Variants in PRKX observed in about 807,000 individuals in gnomAD.
PRKX encodes cAMP-dependent protein kinase catalytic subunit PRKX.
A neutral mutation model predicts 22.0 loss-of-function variants in PRKX; 12 were observed. The ratio of observed to expected loss-of-function variants is 0.54; its 90% confidence interval spans 0.35 to 0.88. The LOEUF (loss-of-function observed/expected upper bound fraction) is 0.88. PRKX is among the 40% of genes least tolerant of loss of function. The probability of loss-of-function intolerance (pLI) is 0.01; values close to 1 mark genes in which losing one functional copy is unlikely to be tolerated. For synonymous variants in PRKX, 134 were observed against 137.7 expected, an observed-to-expected ratio of 0.97 and a Z score of 0.19; for missense variants, 217 against 308.0, an observed-to-expected ratio of 0.70 and a Z score of 2.21.
intron 3 of PRKX, among the ~76,000 whole-genome samples, chrX:3,648,657 T>TGTGA (rs1423032631): frequency 1.3e-4 from 13 of 101,684 alleles, no homozygotes; most frequent in South Asian, 4.4e-4. Context: ...TGTGTGTGTG[T>TGTGA]GAAAGGGGTA....
At chrX:3,624,557 G>C (rs998737717) in intron 5 of PRKX, among the ~76,000 whole-genome samples, 1 of 109,583 alleles carries the variant, frequency 9.1e-6, no homozygotes, top group African/African-American at 3.3e-5. Flanking sequence ...TTTTTTTGTT[G>C]TTGTTTCCAC....
chrX:3,673,042 C>T (rs1203739791), intron 2 of PRKX, among the ~76,000 whole-genome samples: 4 of 110,892 alleles, frequency 3.6e-5, no homozygotes, highest in Admixed American at 9.6e-5. Context: ...AGGGAGCCAC[C>T]GCGCCCATCC....
At chrX:3,638,466 T>G (rs755255473) in intron 4 of PRKX, among the ~76,000 whole-genome samples, 5 of 111,813 alleles carry the variant, frequency 4.5e-5, no homozygotes, top group Non-Finnish European at 9.4e-5. Context: ...AATGCTGCCC[T>G]CGTGTGGTCA....
At chrX:3,641,739 T>C (rs867301750) in intron 4 of PRKX, 113 bp downstream of exon 4, 6 of 277,397 alleles carry the variant, frequency 2.2e-5, no homozygotes, top group South Asian at 6.9e-5. Flanking sequence ...CACTGTGTGT[T>C]TGCGACACTC....
chrX:3,630,766 C>G (rs1926764587), intron 4 of PRKX, among the ~76,000 whole-genome samples: 1 of 111,134 alleles, frequency 9.0e-6, no homozygotes, highest in South Asian at 3.9e-4. Flanking sequence ...TGAGACTGTA[C>G]TAGGGCAATG....
At chrX:3,630,809 C>T (rs1033718479) in intron 4 of PRKX, among the ~76,000 whole-genome samples, 10 of 111,400 alleles carry the variant, frequency 9.0e-5, no homozygotes, top group African/African-American at 2.3e-4. Context: ...TCCCATGATC[C>T]AACCACCTCT....
chrX:3,624,034 T>C (rs17051658), intron 5 of PRKX, among the ~76,000 whole-genome samples: 24,294 of 110,816 alleles, frequency 0.22, 3,193 homozygotes, highest in African/African-American at 0.49. Context: ...TCTAGCATCA[T>C]GGACAACCAG....
chrX:3,688,743 C>G (rs896200338), intron 1 of PRKX, among the ~76,000 whole-genome samples: 12 of 109,306 alleles, frequency 1.1e-4, no homozygotes, highest in East Asian at 5.8e-4. Flanking sequence ...GTGGTATGCT[C>G]CAGTAGTCCC....
Position 3,713,182 on chromosome X carries a change from G to T in PRKX, c.72C>A (p.Pro24=). 2 of 1,118,775 alleles carry T rather than the reference G, an allele frequency of 1.8e-6. No homozygotes were observed. Among genetic ancestry groups the T allele is most frequent in the Non-Finnish European group, 2.3e-6 (2 of 856,785 alleles). The allele number at this position is 1,118,775 out of a possible 1,213,427, so 92.2% of individuals were successfully genotyped here. A position where few individuals can be genotyped will look rare whatever the true frequency, so the allele number is the denominator to read the frequency against. ...SDSRKVAEET[P]DGAPALCPSP... is the part of the protein sequence containing the mutation. ...TGGGGCAGAGCGCGGGCGCCCCGTC[G>T]GGGGTCTCCTCCGCCACCTTGCGGG... The change falls in exon 1 of 9, where the codon CCC becomes CCA. Residue 24 remains proline, a synonymous_variant. Coordinates refer to ENST00000262848, the MANE Select transcript of PRKX (RefSeq NM_005044.5).
intron 3 of PRKX, among the ~76,000 whole-genome samples, chrX:3,650,879 TAAAA>T (rs57311083): frequency 9.8e-5 from 8 of 82,004 alleles, no homozygotes; most frequent in African/African-American, 3.6e-4. Context: ...ACCCTGTCTT[TAAAA>T]AAAAAAAAAA....
At chrX:3,672,105 G>A (rs1045485818) in intron 2 of PRKX, among the ~76,000 whole-genome samples, 7 of 111,500 alleles carry the variant, frequency 6.3e-5, no homozygotes, top group Non-Finnish European at 9.4e-5. Flanking sequence ...TGAGGAAGGA[G>A]GATGGCTTAA....
chrX:3,645,102 A>G (rs902934574), intron 3 of PRKX, among the ~76,000 whole-genome samples: 4 of 111,491 alleles, frequency 3.6e-5, no homozygotes, highest in South Asian at 3.8e-4. Flanking sequence ...GCGTGAATGA[A>G]TATGAGATGA....
chrX:3,620,277 C>T lies in PRKX; in HGVS notation c.873+982G>A, dbSNP rs1241350438. ...CAGGAAAAGGAAGGAAGCTCTGACA[C>T]GGGCTACAGCCTGGATGAACCTTGA... is the stretch of plus-strand genomic sequence containing the variant. On this transcript the variant is annotated intron_variant, in intron 6 of 8. Transcript: ENST00000262848. Among the ~76,000 whole-genome samples, 4 of 112,384 alleles carry T rather than the reference C, an allele frequency of 3.6e-5. No homozygotes were observed. The South Asian group carries it at 1.1e-3, about 31-fold the overall frequency.
chrX:3,606,222 C>T lies in PRKX; in HGVS notation c.*2747G>A, dbSNP rs1264692885. On this transcript the variant is annotated 3_prime_UTR_variant, in exon 9 of 9. Coordinates refer to ENST00000262848, the MANE Select transcript of PRKX (RefSeq NM_005044.5). ...GATTATGGTAATGAATTTTCCTCCA[C>T]ATTTTGCGCAGTGATTGTTTGTCAT... The T allele has an allele frequency of 1.8e-5, 2 of 112,257 alleles. No homozygotes were observed. The highest frequency in any genetic ancestry group is 6.5e-5 in the African/African-American group (2 of 30,776). The allele number at this position is 112,257 out of a possible 1,213,427, so 9.3% of individuals were successfully genotyped here.
intron 3 of PRKX, among the ~76,000 whole-genome samples, chrX:3,653,102 T>C (rs190983449): frequency 9.0e-6 from 1 of 111,529 alleles, no homozygotes; most frequent in East Asian, 2.8e-4. Context: ...GCTGAATGTA[T>C]GTGCCCCCCG....
At chrX:3,708,029 CA>C (rs1212969998) in intron 1 of PRKX, among the ~76,000 whole-genome samples, 1 of 112,054 alleles carries the variant, frequency 8.9e-6, no homozygotes, top group African/African-American at 3.2e-5. Context: ...GCCGTGGACT[CA>C]ATGTCTGTGT....
chrX:3,703,669 G>GTTT (rs1242835644), intron 1 of PRKX, among the ~76,000 whole-genome samples: 6 of 64,176 alleles, frequency 9.3e-5, no homozygotes, highest in Non-Finnish European at 1.1e-4. Context: ...TTTTTTGGTT[G>GTTT]TTTTTTTTTT....
intron 1 of PRKX, among the ~76,000 whole-genome samples, chrX:3,699,623 G>A (rs1045301924): frequency 1.2e-4 from 14 of 112,297 alleles, no homozygotes; most frequent in African/African-American, 4.5e-4. Context: ...CAAAGTGCTG[G>A]GATGACAGGA....
intron 5 of PRKX, among the ~76,000 whole-genome samples, chrX:3,622,922 C>T (rs1317172420): frequency 8.9e-6 from 1 of 112,165 alleles, no homozygotes; most frequent in African/African-American, 3.2e-5. Flanking sequence ...GTGATTTACA[C>T]CACTGCCTGC....
Sources: allele counts gnomAD v4.1 joint callset (sites outside exome capture counted in the v4.1 genomes callset), GRCh38; gene constraint gnomAD v4.1.1; transcripts MANE v1.5; gene names NCBI Gene and HGNC (gene_info 2026-07-23, HGNC 2026-07-21).